NELL1: variants seen among roughly 807,000 people sequenced by gnomAD.
The protein encoded by NELL1 is protein kinase C-binding protein NELL1.
In NELL1, 76 loss-of-function variants were observed where a neutral mutation model predicts 107.4. That is an observed-to-expected ratio of 0.71 (90% confidence interval 0.59 to 0.86). The LOEUF (loss-of-function observed/expected upper bound fraction) is 0.86, where lower values mean the gene tolerates loss of function less well. NELL1 is among the 40% of genes least tolerant of loss of function. NELL1 has a pLI of 0.00. For missense variants in NELL1, 1,024 were observed against 1,005.5 expected (o/e 1.02, Z -0.25); for synonymous variants, 353 against 341.2 (o/e 1.03, Z -0.38).
At chr11:20,705,000 A>C (rs548706552) in intron 2 of NELL1, among the ~76,000 whole-genome samples, 1 of 152,194 alleles carries the variant, frequency 6.6e-6, no homozygotes, top group Admixed American at 6.5e-5. Flanking sequence ...CCACTGCTCA[A>C]TGAAATAAAA....
intron 12 of NELL1, among the ~76,000 whole-genome samples, chr11:21,113,043 A>G (rs541030132): frequency 6.6e-6 from 1 of 152,142 alleles, no homozygotes; most frequent in East Asian, 1.9e-4. Flanking sequence ...GAGGAGCTCC[A>G]GGTCAAAGGA....
At position 21,349,178 on chromosome 11, in the gene NELL1, T is replaced by A. The variant is rs144662880; in HGVS notation, c.1550-21675T>A. ...AGAAAATAACAAGAGGAAAAAAAAA[T>A]TCTTGCTTTTAAGGCAACTGGTATA... is the stretch of plus-strand genomic sequence containing the variant. On this transcript the variant is annotated intron_variant, in intron 14 of 19. Transcript: ENST00000357134. Among the ~76,000 whole-genome samples the A allele has an allele frequency of 3.9e-5, 6 of 152,148 alleles. No homozygotes were observed. The East Asian group carries it at 5.8e-4, about 15-fold the overall frequency.
At chr11:21,389,047 A>G (rs909042662) in intron 15 of NELL1, among the ~76,000 whole-genome samples, 1 of 151,802 alleles carries the variant, frequency 6.6e-6, no homozygotes, top group African/African-American at 2.4e-5. Flanking sequence ...CTAGTCCCCC[A>G]TTTGCTGGTT....
At chr11:21,297,023 A>C (rs1279771270) in intron 14 of NELL1, among the ~76,000 whole-genome samples, 4 of 151,260 alleles carry the variant, frequency 2.6e-5, no homozygotes, top group African/African-American at 9.7e-5. Flanking sequence ...AGATGTTGTC[A>C]TTAATTTAAA....
At chr11:20,976,104 A>T (rs11820741) in intron 12 of NELL1, among the ~76,000 whole-genome samples, 1 of 142,536 alleles carries the variant, frequency 7.0e-6, no homozygotes, top group African/African-American at 2.6e-5. Context: ...ATATATACAC[A>T]TATCTGTACA....
At chr11:20,871,007 T>G (rs1039131832) in intron 4 of NELL1, among the ~76,000 whole-genome samples, 1 of 152,222 alleles carries the variant, frequency 6.6e-6, no homozygotes, top group Admixed American at 6.5e-5. Context: ...ATTGGCACAT[T>G]TATATTGGGA....
chr11:21,465,307 A>T (rs1055671648), intron 15 of NELL1, among the ~76,000 whole-genome samples: 1 of 152,100 alleles, frequency 6.6e-6, no homozygotes, highest in African/African-American at 2.4e-5. Context: ...CTAAAAATAA[A>T]TTATGAGCTT....
intron 2 of NELL1, among the ~76,000 whole-genome samples, chr11:20,748,558 C>T (rs1438662911): frequency 6.6e-6 from 1 of 151,986 alleles, no homozygotes; most frequent in Non-Finnish European, 1.5e-5. Flanking sequence ...TATTCCCCTT[C>T]CCACCCTTCT....
intron 5 of NELL1, among the ~76,000 whole-genome samples, chr11:20,906,053 C>A (rs1849990837): frequency 6.6e-6 from 1 of 152,066 alleles, no homozygotes; most frequent in Admixed American, 6.6e-5. Flanking sequence ...ACATGACTGT[C>A]AAATACAAGG....
intron 10 of NELL1, among the ~76,000 whole-genome samples, chr11:20,940,285 G>T (rs1165292447): frequency 6.6e-6 from 1 of 150,836 alleles, no homozygotes; most frequent in Non-Finnish European, 1.5e-5. Context: ...TTTTAGACCG[G>T]GTCTCGCTCT....
chr11:20,760,748 C>T (rs186456986), intron 2 of NELL1, among the ~76,000 whole-genome samples: 131 of 152,304 alleles, frequency 8.6e-4, no homozygotes, highest in African/African-American at 3.0e-3. Context: ...TATAGGCATA[C>T]ATTCAGCTAG....
At chr11:20,873,480 TA>T (rs1849242627) in intron 4 of NELL1, among the ~76,000 whole-genome samples, 1 of 152,256 alleles carries the variant, frequency 6.6e-6, no homozygotes, top group African/African-American at 2.4e-5. Context: ...TGATCTCACC[TA>T]AAAACATTAA....
intron 15 of NELL1, among the ~76,000 whole-genome samples, chr11:21,482,511 A>G (rs1394050208): frequency 1.3e-5 from 2 of 152,242 alleles, no homozygotes; most frequent in African/African-American, 2.4e-5. Context: ...TTTGCAAAGC[A>G]GAGATAATAT....
intron 3 of NELL1, among the ~76,000 whole-genome samples, chr11:20,825,406 A>G (rs886836641): frequency 2.0e-5 from 3 of 151,322 alleles, no homozygotes; most frequent in East Asian, 3.9e-4. Context: ...CTGCCCATTA[A>G]AGCAGCTGGG....
At chr11:21,531,409 T>C (rs1352151374) in intron 15 of NELL1, among the ~76,000 whole-genome samples, 2 of 152,216 alleles carry the variant, frequency 1.3e-5, no homozygotes, top group Non-Finnish European at 2.9e-5. Context: ...CTAGCTAGTT[T>C]TGAACTGTAT....
rs763846083 is a variant in NELL1 at position 20,928,360 on chromosome 11, T to C, written c.895-17T>C. 25 of 1,603,788 alleles carry C rather than the reference T, an allele frequency of 1.6e-5. No individual in the cohort carries two copies. Among genetic ancestry groups the C allele is most frequent in the East Asian group, 2.2e-5 (1 of 44,806 alleles). On this transcript the variant is annotated splice_polypyrimidine_tract_variant and intron_variant, in intron 8 of 19. Transcript: ENST00000357134. ...AGGATACTTCTGAGATTATGTTCCATGTCCTTCCTTCCTCAGAGTGGTGCC... is the reference window on the plus strand; with the variant it reads ...AGGATACTTCTGAGATTATGTTCCACGTCCTTCCTTCCTCAGAGTGGTGCC...
At chr11:20,680,606 A>G (rs1053479105) in intron 2 of NELL1, among the ~76,000 whole-genome samples, 1 of 152,158 alleles carries the variant, frequency 6.6e-6, no homozygotes, top group Non-Finnish European at 1.5e-5. Context: ...TGGAAAGAAG[A>G]AAGGAGTCAC....
intron 15 of NELL1, among the ~76,000 whole-genome samples, chr11:21,372,110 T>G (rs997602300): frequency 2.0e-5 from 3 of 151,774 alleles, no homozygotes; most frequent in Non-Finnish European, 4.4e-5. Context: ...ATAATAACTG[T>G]TTTTTCTTAA....
intron 14 of NELL1, among the ~76,000 whole-genome samples, chr11:21,342,899 G>T (rs574542812): frequency 2.6e-5 from 4 of 151,804 alleles, no homozygotes; most frequent in Non-Finnish European, 4.4e-5. Flanking sequence ...CAGAAATGTT[G>T]ACTGTGTTTT....
Sources: gnomAD v4.1 joint callset for allele counts (sites outside exome capture counted in the v4.1 genomes callset) on GRCh38, gnomAD v4.1.1 for gene constraint, MANE v1.5 for transcripts, NCBI Gene and HGNC (gene_info 2026-07-23, HGNC 2026-07-21) for gene names.